TSPAN15: variants seen among roughly 807,000 people sequenced by gnomAD.
TSPAN15 encodes tetraspanin 15, also known as tetraspanin-15.
In TSPAN15, 20 loss-of-function variants were observed where a neutral mutation model predicts 34.5. The ratio of observed to expected loss-of-function variants is 0.58; its 90% CI spans 0.41 to 0.84. TSPAN15 has a LOEUF of 0.84. Among genes scored for constraint, TSPAN15 ranks in the 40% least tolerant of loss-of-function variants. The pLI, the probability that TSPAN15 is intolerant of heterozygous loss-of-function variation, is 0.00. For synonymous variants in TSPAN15, 155 were observed against 153.9 expected (o/e 1.01, Z -0.05); for missense variants, 313 against 386.1 (o/e 0.81, Z 1.59).
chr10:69,520,247 A>G, the TSPAN15 span, among the ~76,000 whole-genome samples: 1 of 152,172 alleles, frequency 6.6e-6, no homozygotes, highest in Admixed American at 6.5e-5. Flanking sequence ...TAGGCTCCAC[A>G]CAAGAATGGA....
At chr10:69,481,654 G>C (rs1055328902) in intron 1 of TSPAN15, among the ~76,000 whole-genome samples, 3 of 152,298 alleles carry the variant, frequency 2.0e-5, no homozygotes, top group Admixed American at 6.5e-5. Flanking sequence ...CGGCCTCCTC[G>C]GTGTTTTGCA....
intron 5 of TSPAN15, 35 bp from the exon 6 acceptor site, chr10:69,504,403 T>C: frequency 6.3e-7 from 1 of 1,598,164 alleles, no homozygotes; most frequent in Non-Finnish European, 8.6e-7. Flanking sequence ...GTTAGAACCA[T>C]TATAAATATT....
At chr10:69,467,572 C>T (rs995883651) in intron 1 of TSPAN15, among the ~76,000 whole-genome samples, 1 of 151,910 alleles carries the variant, frequency 6.6e-6, no homozygotes, top group Non-Finnish European at 1.5e-5. Flanking sequence ...TATGATCACA[C>T]CACTGTAGTC....
At chr10:69,454,822 TAAAAA>T (rs1006258006) in intron 1 of TSPAN15, among the ~76,000 whole-genome samples, 1 of 151,444 alleles carries the variant, frequency 6.6e-6, no homozygotes, top group African/African-American at 2.4e-5. Context: ...AAATAAAAAA[TAAAAA>T]ATAAATTACT....
At chr10:69,530,895 A>G in the TSPAN15 span, among the ~76,000 whole-genome samples, 1 of 135,230 alleles carries the variant, frequency 7.4e-6, no homozygotes, top group Admixed American at 8.0e-5. Context: ...TAAAAGTAGG[A>G]AATCTGTCAA....
At chr10:69,477,658 A>G (rs1461615696) in intron 1 of TSPAN15, among the ~76,000 whole-genome samples, 3 of 152,224 alleles carry the variant, frequency 2.0e-5, no homozygotes, top group Non-Finnish European at 4.4e-5. Flanking sequence ...GGCATCATCT[A>G]GGAAGTTCTC....
chr10:69,461,363 A>T (rs1841253040), intron 1 of TSPAN15, among the ~76,000 whole-genome samples: 1 of 152,180 alleles, frequency 6.6e-6, no homozygotes, highest in Admixed American at 6.5e-5. Flanking sequence ...GCAGGGAAGC[A>T]AGTATTTCAC....
At position 69,485,188 on chromosome 10, in the gene TSPAN15, C is replaced by T. The variant is rs751523443; in HGVS notation, c.330C>T (p.Gly110=). The change falls in exon 3 of 8, where the codon GGC becomes GGT. Residue 110 remains glycine, a synonymous_variant. Coordinates refer to ENST00000373290, the MANE Select transcript of TSPAN15 (RefSeq NM_012339.5). Reference sequence around the variant, plus strand: ...GCCTCATCATGGAGCTCATTGGTGGCGTGGTGGCCTTGACCTTCCGGAACC... The same window carrying T: ...GCCTCATCATGGAGCTCATTGGTGGTGTGGTGGCCTTGACCTTCCGGAACC... ...GICLIMELIG[G]VVALTFRNQT... is the part of the protein sequence containing the mutation. 68 of 1,613,974 alleles carry T rather than the reference C, an allele frequency of 4.2e-5. No individual in the cohort carries two copies. The Admixed American group carries it at 8.2e-4, about 19-fold the overall frequency.
downstream of TSPAN15, among the ~76,000 whole-genome samples, chr10:69,510,743 A>G (rs924119407): frequency 1.3e-5 from 2 of 152,218 alleles, no homozygotes; most frequent in African/African-American, 4.8e-5. Context: ...ATTTTGAGAT[A>G]TGTTCCATCA....
intron 1 of TSPAN15, among the ~76,000 whole-genome samples, chr10:69,462,155 G>GTTTTTTTTTTTTTTTTT (rs755068937): frequency 1.1e-4 from 9 of 82,712 alleles, no homozygotes; most frequent in African/African-American, 4.1e-4. Flanking sequence ...TAATTTTAAA[G>GTTTTTTTTTTTTTTTTT]TTTTTTTTTT....
At chr10:69,479,581 C>T (rs1488929608) in intron 1 of TSPAN15, among the ~76,000 whole-genome samples, 1 of 152,240 alleles carries the variant, frequency 6.6e-6, no homozygotes, top group Non-Finnish European at 1.5e-5. Flanking sequence ...GGGCCATTTG[C>T]TTCCTGTTCT....
chr10:69,503,067 C>T (rs112724374), intron 5 of TSPAN15, among the ~76,000 whole-genome samples: 1,805 of 152,260 alleles, frequency 0.012, 33 homozygotes, highest in African/African-American at 0.04. Flanking sequence ...ATCATGTGCC[C>T]GTGCACCTGC....
the TSPAN15 span, among the ~76,000 whole-genome samples, chr10:69,514,747 A>G: frequency 6.4e-3 from 974 of 152,262 alleles, 11 homozygotes; most frequent in African/African-American, 0.022. Flanking sequence ...CTAGGGGTTT[A>G]TAGATTTTAA....
At chr10:69,547,874 G>A in the TSPAN15 span, among the ~76,000 whole-genome samples, 1 of 152,184 alleles carries the variant, frequency 6.6e-6, no homozygotes, top group African/African-American at 2.4e-5. Context: ...ATGAGCTTAT[G>A]TCAATCCAGC....
Position 69,497,449 on chromosome 10 carries a change from G to T in TSPAN15, c.454-831G>T, listed in dbSNP as rs1057370864. 2.0e-5 allele frequency among the ~76,000 whole-genome samples: 3 copies of T among 152,298 alleles called. No homozygotes were observed. In the East Asian group the frequency reaches 5.8e-4, roughly 29 times the overall value. On this transcript the variant is annotated intron_variant, in intron 4 of 7. Coordinates refer to ENST00000373290, the MANE Select transcript of TSPAN15 (RefSeq NM_012339.5). Reference sequence around the variant, plus strand: ...AAGCTTGTTTCTGCGTGGGGCCTTTGCATGGGTCGTCTGGCTTCTTTCTGT... The same window carrying T: ...AAGCTTGTTTCTGCGTGGGGCCTTTTCATGGGTCGTCTGGCTTCTTTCTGT...
chr10:69,513,935 T>C, the TSPAN15 span, among the ~76,000 whole-genome samples: 1 of 152,368 alleles, frequency 6.6e-6, no homozygotes, highest in South Asian at 2.1e-4. Context: ...TTTTGGTCAA[T>C]GTTGTATAGC....
chr10:69,495,309 C>T, intron 3 of TSPAN15: 1 of 345,812 alleles, frequency 2.9e-6, no homozygotes, highest in South Asian at 3.8e-5. Flanking sequence ...GCCCCAGCCT[C>T]TCAGGGCCTG....
chr10:69,539,932 T>C, the TSPAN15 span, among the ~76,000 whole-genome samples: 8,202 of 151,360 alleles, frequency 0.054, 345 homozygotes, highest in Non-Finnish European at 0.081. Context: ...AGCCACACTT[T>C]GCTGCAGGGG....
chr10:69,544,131 C>T, the TSPAN15 span, among the ~76,000 whole-genome samples: 1 of 152,026 alleles, frequency 6.6e-6, no homozygotes, highest in Non-Finnish European at 1.5e-5. Flanking sequence ...ATTTCTCTGC[C>T]CCATCAGACT....
Sources: allele counts gnomAD v4.1 joint callset (sites outside exome capture counted in the v4.1 genomes callset), GRCh38; gene constraint gnomAD v4.1.1; transcripts MANE v1.5; gene names NCBI Gene and HGNC (gene_info 2026-07-23, HGNC 2026-07-21).